KATNAL1: variants seen among roughly 807,000 people sequenced by gnomAD.
KATNAL1 encodes the protein katanin catalytic subunit A1 like 1, also known as katanin p60 ATPase-containing subunit A-like 1.
A neutral mutation model predicts 55.2 loss-of-function variants in KATNAL1; 32 were observed. The observed-to-expected ratio is 0.58, with a 90% CI of 0.44 to 0.78. The LOEUF (loss-of-function observed/expected upper bound fraction) is 0.78, where lower values mean the gene tolerates loss of function less well. KATNAL1 is among the 30% of genes least tolerant of loss of function. The pLI, the probability that KATNAL1 is intolerant of heterozygous loss-of-function variation, is 0.00. For synonymous variants in KATNAL1, 193 were observed against 193.6 expected, an observed-to-expected ratio of 1.00 and a Z score of 0.02; for missense variants, 466 against 600.9, an observed-to-expected ratio of 0.78 and a Z score of 2.35.
intron 4 of KATNAL1, among the ~76,000 whole-genome samples, chr13:30,246,882 T>A (rs879657240): frequency 1.6e-4 from 25 of 152,112 alleles, no homozygotes; most frequent in Non-Finnish European, 2.5e-4. Context: ...TTTCTTTTTT[T>A]AAAAAGTGAT....
intron 3 of KATNAL1, among the ~76,000 whole-genome samples, chr13:30,256,859 A>C (rs1298701370): frequency 6.6e-6 from 1 of 152,198 alleles, no homozygotes; most frequent in African/African-American, 2.4e-5. Context: ...CTTGGAGTTC[A>C]GTCCAGTTAA....
rs1484359131 is a variant in KATNAL1 at position 30,283,745 on chromosome 13, C to T, written c.33G>A (p.Lys11=). 1 of 1,612,534 alleles carries T rather than the reference C, an allele frequency of 6.2e-7. No homozygotes were observed. Among genetic ancestry groups the T allele is most frequent in the Admixed American group, 1.7e-5 (1 of 59,966 alleles). Residue 11 remains lysine (K), a synonymous_variant, in exon 2 of 11, where the codon AAG becomes AAA. Coordinates refer to ENST00000380615, the MANE Select transcript of KATNAL1 (RefSeq NM_032116.5). The stretch of plus-strand genomic sequence containing the variant: ...CAAGAAGGGCATATTCTCTTCCTTT[C>T]TTTGCATTATCACAAATCTCAGCCA... MNLAEICDNA[K]KGREYALLGN...
chr13:30,299,437 A>G (rs1232841146), intron 1 of KATNAL1, among the ~76,000 whole-genome samples: 2 of 152,194 alleles, frequency 1.3e-5, no homozygotes, highest in East Asian at 3.8e-4. Flanking sequence ...CTCAACATCA[A>G]TGCAGATAAC....
At chr13:30,304,999 T>A (rs1056422305) in intron 1 of KATNAL1, among the ~76,000 whole-genome samples, 1 of 152,226 alleles carries the variant, frequency 6.6e-6, no homozygotes, top group Non-Finnish European at 1.5e-5. Flanking sequence ...TCCAAATGCT[T>A]AATTCAGACT....
At chr13:30,225,209 C>A (rs1476997573) in intron 9 of KATNAL1, among the ~76,000 whole-genome samples, 1 of 152,128 alleles carries the variant, frequency 6.6e-6, no homozygotes, top group Admixed American at 6.6e-5. Flanking sequence ...ATTCCACCCC[C>A]ACAGGTAGAG....
chr13:30,263,993 AACCAAAACAGCATGGTACTGGT>A (rs1348120971), intron 3 of KATNAL1, among the ~76,000 whole-genome samples: 1 of 149,066 alleles, frequency 6.7e-6, no homozygotes, highest in African/African-American at 2.5e-5. Context: ...AGGCTACAGT[AACCAAAACAGCATGGTACTGGT>A]ACCAAAACAG....
At chr13:30,271,878 G>GAA (rs71299873) in intron 3 of KATNAL1, among the ~76,000 whole-genome samples, 13,927 of 76,460 alleles carry the variant, frequency 0.18, 1,288 homozygotes, top group East Asian at 0.27. Flanking sequence ...AAGAAAAGAG[G>GAA]AAAAAAAAAA....
rs1873017273 is a variant in KATNAL1, at chr13:30,205,452, C to G, written c.*3088G>C. 6.6e-6 allele frequency: 1 copy of G among 152,196 alleles called. No homozygotes were observed. Among genetic ancestry groups the G allele is most frequent in the African/African-American group, 2.4e-5 (1 of 41,434 alleles). 9.4% of individuals were successfully genotyped at this position (152,196 alleles called of 1,614,324 possible). ...CCTACAGTCATTGTGCTGCAGAACT[C>G]AAAATACTCATGTTTTCAGAGGAAT... On this transcript the variant is annotated 3_prime_UTR_variant, in exon 11 of 11. Transcript: ENST00000380615.
chr13:30,270,516 G>A (rs1880247276), intron 3 of KATNAL1, among the ~76,000 whole-genome samples: 1 of 152,196 alleles, frequency 6.6e-6, no homozygotes, highest in South Asian at 2.1e-4. Context: ...GAAATCGGAT[G>A]GTTGCCGTGT....
At chr13:30,241,878 T>C (rs1015360001) in intron 4 of KATNAL1, among the ~76,000 whole-genome samples, 4 of 152,320 alleles carry the variant, frequency 2.6e-5, no homozygotes, top group East Asian at 1.9e-4. Context: ...ACTAGGTAAG[T>C]GACCAAACAG....
chr13:30,277,518 G>A (rs9550547), intron 3 of KATNAL1, among the ~76,000 whole-genome samples: 32,243 of 152,150 alleles, frequency 0.21, 3,712 homozygotes, highest in East Asian at 0.3. Flanking sequence ...CTATCGCTAA[G>A]TGAAAATCTT....
At chr13:30,267,477 T>C (rs189220936) in intron 3 of KATNAL1, among the ~76,000 whole-genome samples, 2 of 152,328 alleles carry the variant, frequency 1.3e-5, no homozygotes, top group African/African-American at 4.8e-5. Flanking sequence ...ACATACATAT[T>C]TTACAATTAT....
chr13:30,264,588 A>C (rs1165304070), intron 3 of KATNAL1, among the ~76,000 whole-genome samples: 3 of 151,080 alleles, frequency 2.0e-5, no homozygotes, highest in Non-Finnish European at 4.4e-5. Flanking sequence ...TTCTCAAAAG[A>C]AGACATTTAT....
chr13:30,251,910 T>C (rs934397291), intron 4 of KATNAL1, among the ~76,000 whole-genome samples: 9 of 152,198 alleles, frequency 5.9e-5, no homozygotes, highest in African/African-American at 2.2e-4. Flanking sequence ...TAGATCACTA[T>C]GCAAAGTGAT....
chr13:30,284,229 A>G (rs1042437510), intron 1 of KATNAL1, among the ~76,000 whole-genome samples: 1 of 152,160 alleles, frequency 6.6e-6, no homozygotes, highest in African/African-American at 2.4e-5. Flanking sequence ...ACAACACTAA[A>G]CAACGTTTTC....
At chr13:30,270,086 C>G (rs1292223277) in intron 3 of KATNAL1, among the ~76,000 whole-genome samples, 3 of 136,840 alleles carry the variant, frequency 2.2e-5, no homozygotes, top group Non-Finnish European at 3.3e-5. Context: ...GGGGGTCAGC[C>G]CCCCGCCCGG....
intron 3 of KATNAL1, among the ~76,000 whole-genome samples, chr13:30,279,758 T>C (rs1408771960): frequency 6.6e-6 from 1 of 152,118 alleles, no homozygotes; most frequent in Admixed American, 6.5e-5. Flanking sequence ...AGCAAAACTA[T>C]CCAAGTTTTG....
chr13:30,229,425 T>TA lies in KATNAL1; in HGVS notation c.1012+1042dup, dbSNP rs1346306892. Among the ~76,000 whole-genome samples, 3 of 152,114 alleles carry TA rather than the reference T, an allele frequency of 2.0e-5. No homozygotes were observed. The East Asian group carries it at 5.8e-4, about 29-fold the overall frequency. On this transcript the variant is annotated intron_variant, in intron 8 of 10. Transcript: ENST00000380615. ...TGATCTCAGGACCCTTTTATACTCT[T>TA]AAAAATTACTGAGGCTGGGTGCAGT...
At chr13:30,282,390 T>C (rs1274766849) in intron 2 of KATNAL1, among the ~76,000 whole-genome samples, 1 of 152,104 alleles carries the variant, frequency 6.6e-6, no homozygotes, top group African/African-American at 2.4e-5. Context: ...GTAATACCAG[T>C]GCTTTGAGAG....
Sources: allele counts gnomAD v4.1 joint callset (sites outside exome capture counted in the v4.1 genomes callset), GRCh38; gene constraint gnomAD v4.1.1; transcripts MANE v1.5; gene names NCBI Gene and HGNC (gene_info 2026-07-23, HGNC 2026-07-21).